The following PGM2L1 variants were observed in gnomAD, a reference collection of about 807,000 sequenced individuals.
PGM2L1 encodes the protein glucose 1,6-bisphosphate synthase.
In PGM2L1, 35 loss-of-function variants were observed where a neutral mutation model predicts 73.4. The ratio of observed to expected loss-of-function variants is 0.48; its 90% CI spans 0.36 to 0.63. The LOEUF is 0.63. Among genes scored for constraint, PGM2L1 ranks in the 30% least tolerant of loss-of-function variants. PGM2L1 has a pLI of 0.00. For missense variants in PGM2L1, 570 were observed against 742.0 expected (o/e 0.77, Z 2.69); for synonymous variants, 225 against 253.8 (o/e 0.89, Z 1.08).
intron 12 of PGM2L1, among the ~76,000 whole-genome samples, chr11:74,339,695 TG>T (rs1862155128): frequency 6.6e-6 from 1 of 152,202 alleles, no homozygotes; most frequent in African/African-American, 2.4e-5. Context: ...TCTTCCTGCC[TG>T]GAAGTTTGCC....
chr11:74,365,998 G>A (rs1305360725), intron 5 of PGM2L1, among the ~76,000 whole-genome samples: 1 of 152,176 alleles, frequency 6.6e-6, no homozygotes, highest in Non-Finnish European at 1.5e-5. Flanking sequence ...TTAAGAAAAT[G>A]TGGCACATAT....
chr11:74,343,567 T>G, intron 9 of PGM2L1, 151 bp from the exon 10 acceptor site: 1 of 1,189,092 alleles, frequency 8.4e-7, no homozygotes, highest in Non-Finnish European at 1.1e-6. Flanking sequence ...AGACATATAG[T>G]AATGAAGGGC....
intron 4 of PGM2L1, 140 bp downstream of exon 4, chr11:74,370,762 G>T: frequency 4.0e-6 from 2 of 498,906 alleles, no homozygotes; most frequent in Non-Finnish European, 6.8e-6. Flanking sequence ...TAAACTCAAA[G>T]CAAAATTTGT....
intron 5 of PGM2L1, among the ~76,000 whole-genome samples, chr11:74,365,030 G>A (rs1209384716): frequency 6.6e-6 from 1 of 151,670 alleles, no homozygotes; most frequent in African/African-American, 2.4e-5. Flanking sequence ...TAGACCAATG[G>A]AACAGAACAG....
chr11:74,351,982 A>G (rs1862365076), intron 5 of PGM2L1, among the ~76,000 whole-genome samples: 1 of 150,472 alleles, frequency 6.6e-6, no homozygotes, highest in Non-Finnish European at 1.5e-5. Context: ...ATAAATAAAA[A>G]TAAAAATAAA....
At position 74,334,022 on chromosome 11, in the gene PGM2L1, T is replaced by C. The variant is rs549711654; in HGVS notation, c.*2630A>G. On this transcript the variant is annotated 3_prime_UTR_variant, in exon 14 of 14. Coordinates refer to ENST00000298198, the MANE Select transcript of PGM2L1 (RefSeq NM_173582.6). ...TCCTGTTAGGCAAATGTGCACCTAC[T>C]ACATCAAGTTCATGTTAAGTATCAT... The C allele has an allele frequency of 6.6e-6, 1 of 152,348 alleles. No individual in the cohort carries two copies. Among genetic ancestry groups the C allele is most frequent in the Admixed American group, 6.5e-5 (1 of 15,306 alleles). 9.4% of individuals were successfully genotyped at this position (152,348 alleles called of 1,614,324 possible).
At chr11:74,344,651 T>C (rs1039414527) in intron 9 of PGM2L1, among the ~76,000 whole-genome samples, 1 of 152,184 alleles carries the variant, frequency 6.6e-6, no homozygotes, top group African/African-American at 2.4e-5. Context: ...ATTATAATAG[T>C]GGTCTTTAGA....
intron 12 of PGM2L1, among the ~76,000 whole-genome samples, chr11:74,339,151 T>C (rs1366532910): frequency 6.6e-6 from 1 of 152,160 alleles, no homozygotes; most frequent in Non-Finnish European, 1.5e-5. Context: ...AACTAAGTGG[T>C]AGAACAAGAA....
chr11:74,330,678 G>A lies in PGM2L1; in HGVS notation c.*5974C>T, dbSNP rs1325446936. 6.6e-6 allele frequency: 1 copy of A among 152,522 alleles called. No individual in the cohort carries two copies. Among genetic ancestry groups the A allele is most frequent in the African/African-American group, 2.4e-5 (1 of 41,422 alleles). The allele number at this position is 152,522 out of a possible 1,614,324, so 9.4% of individuals were successfully genotyped here. A position where few individuals can be genotyped will look rare whatever the true frequency, so the allele number is the denominator to read the frequency against. Reference sequence around the variant, plus strand: ...AAGATACATGATGAATCATAACAGTGGACAAAAACATACCAAATAGGATCA... The same window carrying A: ...AAGATACATGATGAATCATAACAGTAGACAAAAACATACCAAATAGGATCA... On this transcript the variant is annotated 3_prime_UTR_variant, in exon 14 of 14. Coordinates refer to ENST00000298198, the MANE Select transcript of PGM2L1 (RefSeq NM_173582.6).
chr11:74,369,031 C>T (rs1199608037), intron 4 of PGM2L1, among the ~76,000 whole-genome samples: 5 of 152,134 alleles, frequency 3.3e-5, no homozygotes, highest in African/African-American at 9.7e-5. Context: ...CCCAACAACA[C>T]GTTCAAATTT....
intron 5 of PGM2L1, among the ~76,000 whole-genome samples, chr11:74,366,468 A>T (rs1370090065): frequency 6.6e-6 from 1 of 151,886 alleles, no homozygotes; most frequent in Non-Finnish European, 1.5e-5. Flanking sequence ...TTAAAAAAAA[A>T]AAAAGGAAGA....
rs1164207147 is a variant in PGM2L1, at chr11:74,338,458, C to T, written c.1766+10G>A. On this transcript the variant is annotated intron_variant, in intron 13 of 13. Coordinates refer to ENST00000298198, the MANE Select transcript of PGM2L1 (RefSeq NM_173582.6). ...TTTTGTATGTATATCTTAAAAAAAT[C>T]AATTCTTACCTCTGGTCAGGTGACG... 1.3e-6 allele frequency: 2 copies of T among 1,529,846 alleles called. No individual in the cohort carries two copies. The highest frequency in any genetic ancestry group is 1.2e-5 in the South Asian group (1 of 80,036). 94.8% of individuals were successfully genotyped at this position (1,529,846 alleles called of 1,614,324 possible). A position where few individuals can be genotyped will look rare whatever the true frequency, so the allele number is the denominator to read the frequency against.
rs1862826219 is a variant in PGM2L1, at chr11:74,374,432, C to T, written c.262G>A (p.Val88Ile). ...ATACTTACCTGTGTTGACTGTATTACTGTAAGGTCATTAATATAGCAAAAC... is the reference window on the plus strand; with the variant it reads ...ATACTTACCTGTGTTGACTGTATTATTGTAAGGTCATTAATATAGCAAAAC... Reference protein sequence around the residue: ...AGFCYINDLTVIQSTQGMYKY... With the variant: ...AGFCYINDLTIIQSTQGMYKY... Residue 88 changes from valine to isoleucine, a missense_variant, in exon 2 of 14, where the codon GTA becomes ATA. Physicochemically the swap from Val to Ile is conservative, Grantham distance 29 (BLOSUM62 3). Transcript: ENST00000298198. 1 of 1,612,830 alleles carries T rather than the reference C, an allele frequency of 6.2e-7. No homozygotes were observed. Among genetic ancestry groups the T allele is most frequent in the Non-Finnish European group, 8.5e-7 (1 of 1,179,248 alleles).
intron 1 of PGM2L1, among the ~76,000 whole-genome samples, chr11:74,394,123 A>G (rs1392391660): frequency 1.3e-5 from 2 of 152,130 alleles, no homozygotes; most frequent in Admixed American, 6.5e-5. Context: ...GGACAGTCCC[A>G]TTGTGGAGAT....
chr11:74,391,750 T>C (rs1385041854), intron 1 of PGM2L1, among the ~76,000 whole-genome samples: 2 of 152,208 alleles, frequency 1.3e-5, no homozygotes, highest in Non-Finnish European at 2.9e-5. Context: ...TTAACATCAA[T>C]AGATTTTTAG....
At chr11:74,357,797 G>A (rs1862483581) in intron 5 of PGM2L1, among the ~76,000 whole-genome samples, 1 of 152,186 alleles carries the variant, frequency 6.6e-6, no homozygotes, top group African/African-American at 2.4e-5. Context: ...GTAGGTGAAT[G>A]GAGAAATAAA....
At chr11:74,359,944 A>C (rs1161959864) in intron 5 of PGM2L1, among the ~76,000 whole-genome samples, 2 of 152,240 alleles carry the variant, frequency 1.3e-5, no homozygotes, top group Admixed American at 1.3e-4. Context: ...ATGAATATCA[A>C]GGCAGACTAA....
In PGM2L1 at chr11:74,388,193, T is replaced by C. The variant is rs534812565; in HGVS notation, c.111+9858A>G. On this transcript the variant is annotated intron_variant, in intron 1 of 13. Coordinates refer to ENST00000298198, the MANE Select transcript of PGM2L1 (RefSeq NM_173582.6). Reference sequence around the variant, plus strand: ...GAGTTGCTAAGCAAGAGGCATAAAGTTGCAGTTAAGCCAGATGAATTCATT... The same window carrying C: ...GAGTTGCTAAGCAAGAGGCATAAAGCTGCAGTTAAGCCAGATGAATTCATT... Among the ~76,000 whole-genome samples, 7 of 152,310 alleles carry C rather than the reference T, an allele frequency of 4.6e-5. No individual in the cohort carries two copies. In the South Asian group the frequency reaches 1.4e-3, roughly 32 times the overall value.
At chr11:74,389,833 G>A (rs1159156191) in intron 1 of PGM2L1, among the ~76,000 whole-genome samples, 24 of 149,190 alleles carry the variant, frequency 1.6e-4, no homozygotes. Context: ...GCCGGGTGCG[G>A]TGGCTCACGC....
Sources: allele counts gnomAD v4.1 joint callset (sites outside exome capture counted in the v4.1 genomes callset), GRCh38; gene constraint gnomAD v4.1.1; transcripts MANE v1.5; gene names NCBI Gene and HGNC (gene_info 2026-07-23, HGNC 2026-07-21).